The following CACNA2D3 variants were observed in gnomAD, a reference collection of about 807,000 sequenced individuals.
CACNA2D3 encodes calcium voltage-gated channel auxiliary subunit alpha2delta 3.
Under a neutral mutation model 160.6 loss-of-function variants are expected in CACNA2D3, and 60 were observed. The observed-to-expected ratio is 0.37, with a 90% CI of 0.30 to 0.46. CACNA2D3 has a LOEUF of 0.46. Among genes scored for constraint, CACNA2D3 ranks in the 20% least tolerant of loss-of-function variants. CACNA2D3 has a pLI of 1.00. For missense variants in CACNA2D3, 1,205 were observed against 1,365.0 expected (o/e 0.88, Z 1.85); for synonymous variants, 558 against 492.9 (o/e 1.13, Z -1.75).
At chr3:54,970,576 TTCCCCTCCCCTCCTCTCCTC>T (rs1702253153) in intron 29 of CACNA2D3, among the ~76,000 whole-genome samples, 3 of 100,944 alleles carry the variant, frequency 3.0e-5, no homozygotes, top group Non-Finnish European at 4.1e-5. Context: ...CTCTCCTCCC[TTCCCCTCCCCTCCTCTCCTC>T]TCCCCTCCCC....
chr3:54,283,134 C>A (rs1702920470), intron 2 of CACNA2D3, among the ~76,000 whole-genome samples: 1 of 152,174 alleles, frequency 6.6e-6, no homozygotes, highest in South Asian at 2.1e-4. Context: ...TTATAGGATA[C>A]AAATTGCAGA....
At chr3:54,191,070 C>A in intron 2 of CACNA2D3, among the ~76,000 whole-genome samples, 1 of 149,232 alleles carries the variant, frequency 6.7e-6, no homozygotes, top group South Asian at 2.1e-4. Context: ...AAAAAAGTGC[C>A]TTTCTTGAGT....
chr3:54,907,098 CAAAAAT>C (rs1172433614), intron 27 of CACNA2D3, among the ~76,000 whole-genome samples: 1 of 152,216 alleles, frequency 6.6e-6, no homozygotes, highest in Non-Finnish European at 1.5e-5. Context: ...GCCCTCCACT[CAAAAAT>C]GAGCAGCAGA....
At chr3:54,775,834 G>T (rs1702415299) in intron 13 of CACNA2D3, among the ~76,000 whole-genome samples, 2 of 152,254 alleles carry the variant, frequency 1.3e-5, no homozygotes, top group South Asian at 4.1e-4. Context: ...TTACTGGATG[G>T]CTCAGGGGCA....
chr3:54,128,797 T>C (rs1336957522), intron 2 of CACNA2D3, among the ~76,000 whole-genome samples: 1 of 152,174 alleles, frequency 6.6e-6, no homozygotes, highest in East Asian at 1.9e-4. Context: ...AGGTTTGCTG[T>C]GGCCAAAACT....
intron 4 of CACNA2D3, among the ~76,000 whole-genome samples, chr3:54,489,145 C>T (rs1311486353): frequency 2.0e-5 from 3 of 152,042 alleles, no homozygotes; most frequent in African/African-American, 2.4e-5. Context: ...AGCAGGGCCT[C>T]ATCAGCCGTG....
rs961017526 is a variant in CACNA2D3, at chr3:54,377,079, C to T, written c.322-9636C>T. Among the ~76,000 whole-genome samples, 3 of 152,262 alleles carry T rather than the reference C, an allele frequency of 2.0e-5. No homozygotes were observed. The South Asian group carries it at 6.2e-4, about 31-fold the overall frequency. ...CCTGGGGGCAAGGAGCTGCCTGCCA[C>T]ACTCACCATCCTGTCCAGTGTCTCA... On this transcript the variant is annotated intron_variant, in intron 3 of 37. Coordinates refer to ENST00000474759, the MANE Select transcript of CACNA2D3 (RefSeq NM_018398.3).
At chr3:54,436,195 C>T (rs1444661933) in intron 4 of CACNA2D3, among the ~76,000 whole-genome samples, 1 of 152,136 alleles carries the variant, frequency 6.6e-6, no homozygotes, top group East Asian at 1.9e-4. Context: ...CATCACTGGT[C>T]ATTAGAAAAA....
At chr3:54,596,493 G>T (rs1307812001) in intron 9 of CACNA2D3, among the ~76,000 whole-genome samples, 1 of 152,122 alleles carries the variant, frequency 6.6e-6, no homozygotes, top group African/African-American at 2.4e-5. Context: ...GTCTCCATAT[G>T]TATGGGCTCT....
intron 11 of CACNA2D3, among the ~76,000 whole-genome samples, chr3:54,650,617 G>A (rs543424650): frequency 1.3e-5 from 2 of 152,072 alleles, no homozygotes; most frequent in Admixed American, 6.6e-5. Flanking sequence ...CACCTGCCTC[G>A]GCCTCCCAAA....
At chr3:54,133,260 G>C (rs1026456574) in intron 2 of CACNA2D3, among the ~76,000 whole-genome samples, 12 of 152,184 alleles carry the variant, frequency 7.9e-5, no homozygotes, top group Admixed American at 3.3e-4. Flanking sequence ...CCTGAGGTCA[G>C]ATCTATTATC....
chr3:54,853,172 G>A (rs1575512035), intron 17 of CACNA2D3, among the ~76,000 whole-genome samples: 1 of 151,950 alleles, frequency 6.6e-6, no homozygotes, highest in Non-Finnish European at 1.5e-5. Context: ...CCCACCCAGA[G>A]AAGCCATACT....
At chr3:54,632,454 G>C (rs1176842260) in intron 10 of CACNA2D3, 1 of 152,182 alleles carries the variant, frequency 6.6e-6, no homozygotes, top group Non-Finnish European at 1.5e-5. Context: ...TTATTCAATG[G>C]TGCGAAGCTG....
intron 17 of CACNA2D3, among the ~76,000 whole-genome samples, chr3:54,866,414 C>T (rs1025634707): frequency 2.0e-5 from 3 of 152,176 alleles, no homozygotes; most frequent in Non-Finnish European, 4.4e-5. Flanking sequence ...CTGCGGCTGC[C>T]TGGGAGAGAA....
intron 2 of CACNA2D3, among the ~76,000 whole-genome samples, chr3:54,263,087 A>G (rs1280234600): frequency 6.6e-6 from 1 of 152,220 alleles, no homozygotes; most frequent in African/African-American, 2.4e-5. Flanking sequence ...ACTCATAGAC[A>G]GCTTCTACCA....
At chr3:54,922,692 C>A (rs114197678) in intron 27 of CACNA2D3, among the ~76,000 whole-genome samples, 1 of 152,122 alleles carries the variant, frequency 6.6e-6, no homozygotes, top group East Asian at 1.9e-4. Context: ...CCAACATCTT[C>A]CTGAGCTTCG....
At chr3:54,375,930 T>C (rs995059094) in intron 3 of CACNA2D3, among the ~76,000 whole-genome samples, 15 of 152,140 alleles carry the variant, frequency 9.9e-5, no homozygotes, top group African/African-American at 3.6e-4. Context: ...CAGGAATTGC[T>C]CATGGATTAA....
At chr3:54,816,675 T>C (rs929718253) in intron 13 of CACNA2D3, among the ~76,000 whole-genome samples, 178 bp from the exon 14 acceptor site, 1 of 152,212 alleles carries the variant, frequency 6.6e-6, no homozygotes, top group Non-Finnish European at 1.5e-5. Context: ...AGAAAGCAGG[T>C]CAAATAATCA....
intron 10 of CACNA2D3, chr3:54,632,140 T>A (rs1413013915): frequency 6.6e-6 from 1 of 152,224 alleles, no homozygotes; most frequent in African/African-American, 2.4e-5. Context: ...ATCAAACCAT[T>A]TGAATTTAAT....
Sources: allele counts gnomAD v4.1 joint callset (sites outside exome capture counted in the v4.1 genomes callset), GRCh38; gene constraint gnomAD v4.1.1; transcripts MANE v1.5; gene names NCBI Gene and HGNC (gene_info 2026-07-23, HGNC 2026-07-21).